The following ANKS1B variants were observed in gnomAD, a reference collection of about 807,000 sequenced individuals.
ANKS1B encodes ankyrin repeat and sterile alpha motif domain-containing protein 1B.
In ANKS1B, 36 loss-of-function variants were observed where a neutral mutation model predicts 148.3. The observed-to-expected ratio is 0.24, with a 90% confidence interval of 0.19 to 0.32. The LOEUF (loss-of-function observed/expected upper bound fraction) is 0.32. Among genes scored for constraint, ANKS1B ranks in the 10% least tolerant of loss-of-function variants. ANKS1B has a pLI of 1.00. For synonymous variants in ANKS1B, 542 were observed against 560.8 expected (o/e 0.97, Z 0.47); for missense variants, 1,157 against 1,542.6 (o/e 0.75, Z 4.19).
intron 17 of ANKS1B, among the ~76,000 whole-genome samples, chr12:99,013,683 A>G (rs1306760737): frequency 6.6e-6 from 1 of 152,218 alleles, no homozygotes; most frequent in African/African-American, 2.4e-5. Flanking sequence ...TACGAAATCA[A>G]TGTGCAAAAA....
intron 25 of ANKS1B, among the ~76,000 whole-genome samples, chr12:98,756,702 G>A (rs1158104815): frequency 6.6e-6 from 1 of 151,808 alleles, no homozygotes; most frequent in Non-Finnish European, 1.5e-5. Context: ...CTCCAGCCTG[G>A]GTGACAGAGC....
chr12:99,490,035 C>T (rs1384316555), intron 10 of ANKS1B, among the ~76,000 whole-genome samples: 1 of 152,002 alleles, frequency 6.6e-6, no homozygotes, highest in Non-Finnish European at 1.5e-5. Flanking sequence ...TTCTTGAATC[C>T]CAGTATCTAG....
intron 19 of ANKS1B, among the ~76,000 whole-genome samples, chr12:98,824,859 T>C (rs1213329005): frequency 1.3e-5 from 2 of 152,172 alleles, no homozygotes; most frequent in African/African-American, 4.8e-5. Flanking sequence ...ATTTAAGGAT[T>C]TCATGGTGTT....
At chr12:99,658,549 T>C (rs1248947665) in intron 8 of ANKS1B, among the ~76,000 whole-genome samples, 1 of 152,042 alleles carries the variant, frequency 6.6e-6, no homozygotes, top group Non-Finnish European at 1.5e-5. Context: ...ACATTCACCT[T>C]GAGTTGATAG....
In ANKS1B at chr12:99,773,148, G is replaced by A. The variant is rs1413104915; in HGVS notation, c.962-60C>T. 5 of 1,428,680 alleles carry A rather than the reference G, an allele frequency of 3.5e-6. No homozygotes were observed. In the East Asian group the frequency reaches 9.3e-5, roughly 26 times the overall value. The allele number at this position is 1,428,680 out of a possible 1,614,324, so 88.5% of individuals were successfully genotyped here. The stretch of plus-strand genomic sequence containing the variant: ...GGCTATTGTTAAAACTTAATGTTAA[G>A]CAATAAAAATATGACTGCTATGGTG... On this transcript the variant is annotated intron_variant, in intron 7 of 26. Transcript: ENST00000683438.
chr12:99,538,097 T>C (rs963465372), intron 9 of ANKS1B, among the ~76,000 whole-genome samples: 3 of 152,142 alleles, frequency 2.0e-5, no homozygotes, highest in African/African-American at 7.2e-5. Flanking sequence ...GTGTTCTCTA[T>C]TCTTTTCCAT....
At chr12:99,823,007 T>G (rs915795921) in intron 2 of ANKS1B, among the ~76,000 whole-genome samples, 1 of 152,180 alleles carries the variant, frequency 6.6e-6, no homozygotes, top group East Asian at 1.9e-4. Flanking sequence ...AAATGGTTTC[T>G]CTGTGGTTTT....
intron 22 of ANKS1B, among the ~76,000 whole-genome samples, chr12:98,796,113 T>A (rs2098946839): frequency 6.6e-6 from 1 of 152,192 alleles, no homozygotes; most frequent in Non-Finnish European, 1.5e-5. Flanking sequence ...GGTAATTAAA[T>A]GTTCACATGT....
chr12:99,963,049 G>T lies in ANKS1B; in HGVS notation c.134+21055C>A, dbSNP rs925320019. ...AGAATGGTCTCGATCTCCTGACCTC[G>T]TGATGCACCCACCTCGGCCTCCCAA... On this transcript the variant is annotated intron_variant, in intron 1 of 26. Transcript: ENST00000683438. Among the ~76,000 whole-genome samples the T allele has an allele frequency of 3.3e-5, 5 of 152,164 alleles. No individual in the cohort carries two copies. In the East Asian group the frequency reaches 9.7e-4, roughly 29 times the overall value.
At chr12:99,927,290 A>C (rs3844211) in intron 1 of ANKS1B, among the ~76,000 whole-genome samples, 91,660 of 152,022 alleles carry the variant, frequency 0.6, 28,766 homozygotes, top group Middle Eastern at 0.7. Context: ...GGTTTGAATT[A>C]GGTTTCAGTC....
chr12:99,138,733 T>C (rs1034458505), intron 15 of ANKS1B, among the ~76,000 whole-genome samples: 5 of 152,190 alleles, frequency 3.3e-5, no homozygotes, highest in Non-Finnish European at 5.9e-5. Flanking sequence ...AAACACTACA[T>C]GCATTTTGAC....
chr12:99,545,169 G>A (rs1243460778), intron 9 of ANKS1B, among the ~76,000 whole-genome samples: 14 of 152,126 alleles, frequency 9.2e-5, no homozygotes, highest in Admixed American at 9.2e-4. Flanking sequence ...AGACACCCAT[G>A]AGGGAGCTCT....
intron 17 of ANKS1B, among the ~76,000 whole-genome samples, chr12:98,878,171 C>G (rs1352611318): frequency 6.7e-6 from 1 of 148,656 alleles, no homozygotes; most frequent in East Asian, 1.9e-4. Context: ...TTTTTTTTTC[C>G]CTAATGAGGA....
intron 15 of ANKS1B, chr12:99,104,502 G>C (rs1017765580): frequency 6.6e-6 from 1 of 152,034 alleles, no homozygotes; most frequent in Non-Finnish European, 1.5e-5. Context: ...TCGGCTATTT[G>C]TTCTTCTCTT....
At chr12:99,236,708 G>T (rs551782471) in intron 14 of ANKS1B, among the ~76,000 whole-genome samples, 1 of 152,288 alleles carries the variant, frequency 6.6e-6, no homozygotes, top group South Asian at 2.1e-4. Context: ...TGTTGAATAG[G>T]AATAAGGAGG....
intron 17 of ANKS1B, among the ~76,000 whole-genome samples, chr12:99,034,658 G>A (rs2099954401): frequency 6.6e-6 from 1 of 152,194 alleles, no homozygotes; most frequent in Admixed American, 6.5e-5. Flanking sequence ...TACATGTGAA[G>A]TCTTGTTGAT....
intron 17 of ANKS1B, among the ~76,000 whole-genome samples, chr12:98,892,204 T>G (rs11109654): frequency 0.06 from 9,096 of 152,294 alleles, 724 homozygotes; most frequent in African/African-American, 0.19. Context: ...CTATAAACAC[T>G]GTCAATGCCA....
At chr12:99,884,222 A>C (rs923381440) in intron 1 of ANKS1B, among the ~76,000 whole-genome samples, 2 of 152,162 alleles carry the variant, frequency 1.3e-5, no homozygotes, top group Non-Finnish European at 2.9e-5. Context: ...ATGCTACTAC[A>C]CACCTATTAG....
At chr12:99,722,805 C>T (rs1285013117) in intron 8 of ANKS1B, among the ~76,000 whole-genome samples, 1 of 152,246 alleles carries the variant, frequency 6.6e-6, no homozygotes, top group Admixed American at 6.5e-5. Context: ...GCATGTGAAT[C>T]CTGCACTGGC....
Sources: gnomAD v4.1 joint callset for allele counts (sites outside exome capture counted in the v4.1 genomes callset) on GRCh38, gnomAD v4.1.1 for gene constraint, MANE v1.5 for transcripts, NCBI Gene and HGNC (gene_info 2026-07-23, HGNC 2026-07-21) for gene names.